The following SMC1B variants were observed in gnomAD, a reference collection of about 807,000 sequenced individuals.
The protein encoded by SMC1B is structural maintenance of chromosomes protein 1B.
In SMC1B, 60 loss-of-function variants were observed where a neutral mutation model predicts 157.9. That is an observed-to-expected ratio of 0.38 (90% CI 0.31 to 0.47). The LOEUF is 0.47. SMC1B is among the 20% of genes least tolerant of loss of function. The pLI is 0.99. For missense variants in SMC1B, 1,165 were observed against 1,426.2 expected, an observed-to-expected ratio of 0.82 and a Z score of 2.95; for synonymous variants, 445 against 483.0, an observed-to-expected ratio of 0.92 and a Z score of 1.03.
At chr22:45,387,619 G>C (rs1459605557) in intron 10 of SMC1B, among the ~76,000 whole-genome samples, 1 of 152,128 alleles carries the variant, frequency 6.6e-6, no homozygotes, top group Non-Finnish European at 1.5e-5. Context: ...TAACTAGTCA[G>C]GATAAAACAA....
At chr22:45,406,710 A>G (rs1195352825) in intron 3 of SMC1B, 43 bp downstream of exon 3, 3 of 1,582,312 alleles carry the variant, frequency 1.9e-6, no homozygotes, top group African/African-American at 2.7e-5. Context: ...ATAGTGATGT[A>G]TTTTCAAAAC....
chr22:45,359,998 ATG>A, intron 17 of SMC1B, 40 bp from the exon 18 acceptor site: 1 of 1,524,992 alleles, frequency 6.6e-7, no homozygotes, highest in South Asian at 1.1e-5. Context: ...TTTACTCATT[ATG>A]TAACACTGCA....
At position 45,361,884 on chromosome 22, in the gene SMC1B, T is replaced by C; in HGVS notation, c.2663A>G (p.Gln888Arg). ...CTTCCGTTCCTCTTCAATTTGAGTTTGAACTTTCTCGGCACTGGAGTTCTG... is the reference window on the plus strand; with the variant it reads ...CTTCCGTTCCTCTTCAATTTGAGTTCGAACTTTCTCGGCACTGGAGTTCTG... ...VTQNSSAEKV[Q>R]TQIEEERKKF... Residue 888 changes from glutamine to arginine, a missense_variant, in exon 17 of 25, where the codon CAA becomes CGA. By Grantham distance (43) the Gln-to-Arg change is conservative. Coordinates refer to ENST00000357450, the MANE Select transcript of SMC1B (RefSeq NM_148674.5). 1 of 1,614,198 alleles carries C rather than the reference T, an allele frequency of 6.2e-7. No individual in the cohort carries two copies. Among genetic ancestry groups the C allele is most frequent in the Non-Finnish European group, 8.5e-7 (1 of 1,180,014 alleles).
chr22:45,371,689 T>C (rs1366340632), intron 13 of SMC1B, 102 bp from the exon 14 acceptor site: 1 of 1,333,272 alleles, frequency 7.5e-7, no homozygotes, highest in Non-Finnish European at 1.0e-6. Context: ...GAAGAATCTA[T>C]GAGATAAGAT....
chr22:45,394,316 C>T (rs969586137), intron 8 of SMC1B, among the ~76,000 whole-genome samples: 3 of 151,540 alleles, frequency 2.0e-5, no homozygotes, highest in East Asian at 1.9e-4. Context: ...GAGTGAGACC[C>T]TGTCTCAAAA....
chr22:45,372,000 G>C (rs1268943713), intron 13 of SMC1B, among the ~76,000 whole-genome samples, 155 bp downstream of exon 13: 4 of 151,720 alleles, frequency 2.6e-5, no homozygotes, highest in African/African-American at 9.7e-5. Context: ...CAGAAATAAA[G>C]CCACTGCACT....
intron 12 of SMC1B, among the ~76,000 whole-genome samples, chr22:45,382,513 A>C (rs1448675316): frequency 1.3e-5 from 2 of 152,220 alleles, no homozygotes; most frequent in East Asian, 3.8e-4. Context: ...TGCGGGGTGA[A>C]GAAAATGTTC....
In SMC1B at chr22:45,413,574, G is replaced by T. The variant is rs530349601; in HGVS notation, c.-7C>A. ...GCAGCTCCAGGTGGGCCATGGCGCC[G>T]CCCTCCACGCCTCACCCGCGTTATC... On this transcript the variant is annotated 5_prime_UTR_variant, in exon 1 of 25. Transcript: ENST00000357450. 1 of 1,592,512 alleles carries T rather than the reference G, an allele frequency of 6.3e-7. No individual in the cohort carries two copies. The highest frequency in any genetic ancestry group is 8.6e-7 in the Non-Finnish European group (1 of 1,169,228).
intron 15 of SMC1B, among the ~76,000 whole-genome samples, chr22:45,364,567 A>G (rs1435946654): frequency 6.6e-6 from 1 of 152,208 alleles, no homozygotes; most frequent in Non-Finnish European, 1.5e-5. Flanking sequence ...TTAGTGGTAG[A>G]GCCAGGGATG....
chr22:45,345,912 A>G (rs1376278528), intron 23 of SMC1B, among the ~76,000 whole-genome samples: 1 of 152,190 alleles, frequency 6.6e-6, no homozygotes, highest in Non-Finnish European at 1.5e-5. Flanking sequence ...ATTTAAACGT[A>G]TAACCTCCAG....
intron 11 of SMC1B, 23 bp from the exon 12 acceptor site, chr22:45,383,636 C>T (rs1308251910): frequency 6.4e-7 from 1 of 1,568,390 alleles, no homozygotes. Context: ...AAATATTTTG[C>T]CCTGGAGAAA....
chr22:45,397,442 T>A (rs1332938639), intron 6 of SMC1B, among the ~76,000 whole-genome samples: 1 of 152,128 alleles, frequency 6.6e-6, no homozygotes, highest in Non-Finnish European at 1.5e-5. Context: ...CAGTGAACTA[T>A]GATTGATAGC....
rs189162417 is a variant in SMC1B at position 45,381,754 on chromosome 22, C to G, written c.2058+1713G>C. 2.0e-5 allele frequency among the ~76,000 whole-genome samples: 3 copies of G among 152,302 alleles called. No homozygotes were observed. The East Asian group carries it at 5.8e-4, about 29-fold the overall frequency. ...GCATCTTCCCAGAACTTTTTCTGTG[C>G]CTAGGCCTAAATTTGTTAAAATCTT... is the stretch of plus-strand genomic sequence containing the variant. On this transcript the variant is annotated intron_variant, in intron 12 of 24. Coordinates refer to ENST00000357450, the MANE Select transcript of SMC1B (RefSeq NM_148674.5).
chr22:45,363,258 T>C (rs2086738855), intron 15 of SMC1B, among the ~76,000 whole-genome samples: 1 of 152,252 alleles, frequency 6.6e-6, no homozygotes, highest in Non-Finnish European at 1.5e-5. Flanking sequence ...CTAGACATGA[T>C]GTAATTTCAC....
intron 6 of SMC1B, among the ~76,000 whole-genome samples, chr22:45,398,754 A>C (rs912645487): frequency 6.6e-6 from 1 of 152,052 alleles, no homozygotes; most frequent in Non-Finnish European, 1.5e-5. Context: ...GCTTGAACCC[A>C]TAAGGCGGAG....
chr22:45,362,939 G>A lies in SMC1B; in HGVS notation c.2508C>T (p.Asn836=). 6.2e-7 allele frequency: 1 copy of A among 1,603,002 alleles called. No homozygotes were observed. The highest frequency in any genetic ancestry group is 8.5e-7 in the Non-Finnish European group (1 of 1,174,262). The change falls in exon 16 of 25, where the codon AAC becomes AAT. Residue 836 remains asparagine (N), a synonymous_variant. Coordinates refer to ENST00000357450, the MANE Select transcript of SMC1B (RefSeq NM_148674.5). The stretch of plus-strand genomic sequence containing the variant: ...CTTTCTGGATAGTTTCTTTTAATGT[G>A]TTGATCTTATTCAGTTTCTTCTTAA... ...SHLKKKLNKI[N]TLKETIQKGS...
At chr22:45,362,155 C>T (rs957156361) in intron 16 of SMC1B, among the ~76,000 whole-genome samples, 171 bp from the exon 17 acceptor site, 5 of 152,206 alleles carry the variant, frequency 3.3e-5, no homozygotes, top group Admixed American at 2.0e-4. Context: ...TTTTTAGAAA[C>T]TGGTGATCAT....
chr22:45,412,685 T>C (rs566324218), intron 1 of SMC1B, among the ~76,000 whole-genome samples: 3 of 152,136 alleles, frequency 2.0e-5, no homozygotes, highest in South Asian at 4.2e-4. Flanking sequence ...TTTGGTATTA[T>C]TAGTAGAGAC....
At chr22:45,374,150 A>G (rs1470208795) in intron 12 of SMC1B, among the ~76,000 whole-genome samples, 1 of 146,946 alleles carries the variant, frequency 6.8e-6, no homozygotes, top group Non-Finnish European at 1.5e-5. Flanking sequence ...TTTATATGAG[A>G]AAGAATCTTG....
Sources: gnomAD v4.1 joint callset for allele counts (sites outside exome capture counted in the v4.1 genomes callset) on GRCh38, gnomAD v4.1.1 for gene constraint, MANE v1.5 for transcripts, NCBI Gene and HGNC (gene_info 2026-07-23, HGNC 2026-07-21) for gene names.